Variants in AGBL2 observed in about 807,000 individuals in gnomAD.
AGBL2 encodes the protein AGBL carboxypeptidase 2, also known as cytosolic carboxypeptidase 2.
In AGBL2, 87 loss-of-function variants were observed where a neutral mutation model predicts 103.0. The ratio of observed to expected loss-of-function variants is 0.84; its 90% CI spans 0.71 to 1.01. The LOEUF (loss-of-function observed/expected upper bound fraction) is 1.01. Among genes scored for constraint, AGBL2 ranks in the 50% least tolerant of loss-of-function variants. AGBL2 has a pLI of 0.00. For synonymous variants in AGBL2, 335 were observed against 356.7 expected, an observed-to-expected ratio of 0.94 and a Z score of 0.69; for missense variants, 904 against 1,023.5, an observed-to-expected ratio of 0.88 and a Z score of 1.59.
intron 15 of AGBL2, among the ~76,000 whole-genome samples, chr11:47,668,091 C>T (rs1248217982): frequency 6.6e-6 from 1 of 151,766 alleles, no homozygotes; most frequent in African/African-American, 2.4e-5. Flanking sequence ...TGCCTGTAAT[C>T]CCAGTTACTC....
Position 47,682,037 on chromosome 11 carries a change from A to G in AGBL2, c.1847T>C (p.Val616Ala), listed in dbSNP as rs1189207354. Residue 616 changes from valine to alanine, a missense_variant, in exon 12 of 19, where the codon GTT (valine) becomes GCT (alanine). By Grantham distance (64) the Val-to-Ala change is moderately conservative. Coordinates refer to ENST00000525123, the MANE Select transcript of AGBL2 (RefSeq NM_024783.4). ...TAGGATTCCCATCCGCCACATAACAACTCGTCCTGTTCCTTCTTTGCATTT... is the reference window on the plus strand; with the variant it reads ...TAGGATTCCCATCCGCCACATAACAGCTCGTCCTGTTCCTTCTTTGCATTT... ...VQKCKEGTGRVVMWRMGILNS... is the reference protein window; with the variant it reads ...VQKCKEGTGRAVMWRMGILNS... The G allele has an allele frequency of 6.2e-7, 1 of 1,614,102 alleles. No homozygotes were observed. The highest frequency in any genetic ancestry group is 1.1e-5 in the South Asian group (1 of 91,078).
At chr11:47,709,881 GC>G (rs894177797) in intron 4 of AGBL2, among the ~76,000 whole-genome samples, 65 of 151,456 alleles carry the variant, frequency 4.3e-4, no homozygotes, top group African/African-American at 1.5e-3. Context: ...GAGCCACGAT[GC>G]CAGGTGTATT....
At chr11:47,705,817 T>A in intron 5 of AGBL2, 47 bp downstream of exon 5, 1 of 1,552,422 alleles carries the variant, frequency 6.4e-7, no homozygotes, top group Non-Finnish European at 8.9e-7. Flanking sequence ...GAAGACATAG[T>A]CCAAAAAAGG....
chr11:47,702,333 T>A (rs915954050), intron 7 of AGBL2, among the ~76,000 whole-genome samples: 3 of 152,204 alleles, frequency 2.0e-5, no homozygotes, highest in African/African-American at 7.2e-5. Context: ...GAACTCATCC[T>A]TTAGATCTCA....
chr11:47,703,492 A>T (rs1019005754), intron 7 of AGBL2, among the ~76,000 whole-genome samples: 10 of 152,324 alleles, frequency 6.6e-5, no homozygotes, highest in Non-Finnish European at 1.2e-4. Context: ...AGGGTGAGTT[A>T]ATAAATGTTG....
intron 14 of AGBL2, among the ~76,000 whole-genome samples, chr11:47,670,789 T>C (rs2097355055): frequency 6.6e-6 from 1 of 151,120 alleles, no homozygotes; most frequent in Non-Finnish European, 1.5e-5. Context: ...AGCCCAGGAG[T>C]TTGAGACCAG....
intron 18 of AGBL2, 65 bp from the exon 19 acceptor site, chr11:47,660,411 G>C: frequency 6.7e-7 from 1 of 1,485,452 alleles, no homozygotes; most frequent in Non-Finnish European, 9.1e-7. Context: ...TATGTAGTTA[G>C]GGTTGGGGTT....
In AGBL2 at chr11:47,663,131, T is replaced by C. The variant is rs1002361619; in HGVS notation, c.2449-19A>G. ...AATTTGTCTAAAATAAATGAACATA[T>C]CCTCACTAAATTTTCCACTTGAGCA... On this transcript the variant is annotated intron_variant, in intron 17 of 18. Coordinates refer to ENST00000525123, the MANE Select transcript of AGBL2 (RefSeq NM_024783.4). 7 of 1,525,332 alleles carry C rather than the reference T, an allele frequency of 4.6e-6. No individual in the cohort carries two copies. Among genetic ancestry groups the C allele is most frequent in the Non-Finnish European group, 6.2e-6 (7 of 1,122,616 alleles). The allele number at this position is 1,525,332 out of a possible 1,614,324, so 94.5% of individuals were successfully genotyped here.
chr11:47,710,506 T>G lies in AGBL2; in HGVS notation c.103A>C (p.Arg35=), dbSNP rs758025011. ...LQYYGYFKAQ[R]GSLPNSATHQ... is the part of the protein sequence containing the mutation. ...GTAGCAGAGTTTGGTAAACTGCCTC[T>G]CTGAGCTAAAAATTGGCAGTTTAAT... Residue 35 remains arginine, a synonymous_variant, in exon 4 of 19, where the codon AGA becomes CGA. Coordinates refer to ENST00000525123, the MANE Select transcript of AGBL2 (RefSeq NM_024783.4). 2.9e-5 allele frequency: 47 copies of G among 1,613,998 alleles called. No individual in the cohort carries two copies. Among genetic ancestry groups the G allele is most frequent in the Admixed American group, 1.7e-4 (10 of 59,992 alleles).
intron 14 of AGBL2, among the ~76,000 whole-genome samples, chr11:47,673,238 G>C (rs532507578): frequency 2.6e-5 from 4 of 152,270 alleles, no homozygotes; most frequent in African/African-American, 9.6e-5. Flanking sequence ...TGTCATCCCA[G>C]CACCTTGGGA....
intron 3 of AGBL2, chr11:47,711,020 T>C (rs2097535250): frequency 5.7e-6 from 2 of 351,836 alleles, no homozygotes; most frequent in Non-Finnish European, 1.1e-5. Flanking sequence ...TAACATGCAG[T>C]TTACCCATGT....
At chr11:47,707,630 C>T (rs1179466017) in intron 4 of AGBL2, among the ~76,000 whole-genome samples, 2 of 152,098 alleles carry the variant, frequency 1.3e-5, no homozygotes, top group Non-Finnish European at 2.9e-5. Flanking sequence ...TGGGTGGGGA[C>T]GCAGCCAAAC....
intron 17 of AGBL2, among the ~76,000 whole-genome samples, chr11:47,664,749 G>A (rs573733466): frequency 1.3e-5 from 2 of 151,918 alleles, no homozygotes; most frequent in Admixed American, 6.6e-5. Flanking sequence ...GTAGAGATAG[G>A]ATCTTGCTAT....
rs754817361 is a variant in AGBL2, at chr11:47,667,092, T to C, written c.2341-29A>G. On this transcript the variant is annotated intron_variant, in intron 16 of 18. Transcript: ENST00000525123. ...GGATTGAGTGAAAAGAGAATCTTTTTCAATTGATCTATTCAAAATTGATCC... is the reference window on the plus strand; with the variant it reads ...GGATTGAGTGAAAAGAGAATCTTTTCCAATTGATCTATTCAAAATTGATCC... The C allele has an allele frequency of 1.3e-5, 19 of 1,437,216 alleles. No homozygotes were observed. The South Asian group carries it at 2.5e-4, about 19-fold the overall frequency. 89.0% of individuals were successfully genotyped at this position (1,437,216 alleles called of 1,614,324 possible).
At chr11:47,686,114 T>C in intron 10 of AGBL2, 65 bp from the exon 11 acceptor site, 1 of 1,523,276 alleles carries the variant, frequency 6.6e-7, no homozygotes, top group Non-Finnish European at 9.0e-7. Context: ...TAAGGATCAT[T>C]TGGTATCTCT....
At position 47,704,550 on chromosome 11, in the gene AGBL2, A is replaced by T. The variant is rs377147462; in HGVS notation, c.579T>A (p.His193Gln). The change falls in exon 7 of 19, where the codon CAT (histidine) becomes CAA (glutamine). Residue 193 changes from histidine (H) to glutamine (Q), a missense_variant. Physicochemically the swap from His to Gln is conservative, Grantham distance 24. Transcript: ENST00000525123. Reference protein sequence around the residue: ...IECEVIKENIHHIEWAPPQPE... With the variant: ...IECEVIKENIQHIEWAPPQPE... ...GTGAGTAAGTCATATTACCAATATG[A>T]TGGATGTTTTCCTTGATGACCTCAC... 7.9e-5 allele frequency: 128 copies of T among 1,612,246 alleles called. No homozygotes were observed. Among genetic ancestry groups the T allele is most frequent in the Non-Finnish European group, 1.0e-4 (123 of 1,179,112 alleles).
chr11:47,688,684 A>G (rs528387351), intron 10 of AGBL2, among the ~76,000 whole-genome samples: 1 of 152,260 alleles, frequency 6.6e-6, no homozygotes, highest in East Asian at 1.9e-4. Flanking sequence ...TGAAGCTCAG[A>G]CACATTAAAT....
In AGBL2 at chr11:47,705,534, T is replaced by G. The variant is rs2097514723; in HGVS notation, c.387A>C (p.Val129=). The G allele has an allele frequency of 2.7e-6, 1 of 376,680 alleles. No homozygotes were observed. Among genetic ancestry groups the G allele is most frequent in the South Asian group, 2.5e-5 (1 of 40,698 alleles). The allele number at this position is 376,680 out of a possible 1,614,324, so 23.3% of individuals were successfully genotyped here. A position where few individuals can be genotyped will look rare whatever the true frequency, so the allele number is the denominator to read the frequency against. Residue 129 remains valine, a synonymous_variant, in exon 6 of 19, where the codon GTA becomes GTC. Transcript: ENST00000525123. ...GGTGGCACATGCCTGTAATCCCAGC[T>G]ACTCGGAAAGCTGAGGCAGGAGAAT... ...FKDSPASAFR[V]AGITDSHMLS...
At position 47,690,538 on chromosome 11, in the gene AGBL2, C is replaced by T. The variant is rs751140887; in HGVS notation, c.1169G>A (p.Cys390Tyr). 6.2e-7 allele frequency: 1 copy of T among 1,614,014 alleles called. No homozygotes were observed. The highest frequency in any genetic ancestry group is 1.3e-5 in the African/African-American group (1 of 74,894). The change falls in exon 10 of 19, where the codon TGC becomes TAC. Residue 390 changes from cysteine (C) to tyrosine (Y), a missense_variant. Physicochemically the swap from Cys to Tyr is radical, Grantham distance 194. Transcript: ENST00000525123. The part of the protein sequence containing the change: ...TIQFPYDQDT[C>Y]FFAHFYPYTY... The stretch of plus-strand genomic sequence containing the variant: ...ATATGGGTAGAAGTGTGCAAAGAAG[C>T]AAGTGTCCTGGTCATATGGAAACTG...
Sources: gnomAD v4.1 joint callset for allele counts (sites outside exome capture counted in the v4.1 genomes callset) on GRCh38, gnomAD v4.1.1 for gene constraint, MANE v1.5 for transcripts, NCBI Gene and HGNC (gene_info 2026-07-23, HGNC 2026-07-21) for gene names.